MARCHF10: variants seen among roughly 807,000 people sequenced by gnomAD.
MARCHF10 encodes probable E3 ubiquitin-protein ligase MARCHF10.
A neutral mutation model predicts 76.2 loss-of-function variants in MARCHF10; 64 were observed. The ratio of observed to expected loss-of-function variants is 0.84; its 90% confidence interval spans 0.69 to 1.03. The LOEUF (loss-of-function observed/expected upper bound fraction) is 1.03. MARCHF10 is among the 50% of genes least tolerant of loss of function. MARCHF10 has a pLI of 0.00. For missense variants in MARCHF10, 875 were observed against 958.0 expected (o/e 0.91, Z 1.14); for synonymous variants, 340 against 357.5 (o/e 0.95, Z 0.55).
chr17:62,736,546 T>G lies in MARCHF10; in HGVS notation c.1322A>C (p.Lys441Thr). 6.2e-7 allele frequency: 1 copy of G among 1,614,210 alleles called. No homozygotes were observed. The highest frequency in any genetic ancestry group is 1.1e-5 in the South Asian group (1 of 91,082). Residue 441 changes from lysine (K) to threonine (T), a missense_variant, in exon 6 of 11, where the codon AAA (lysine) becomes ACA (threonine). Transcript: ENST00000311269. ...PGTHDSEGYW[K>T]DYLNSSQNSL... ...ATTTTGAGAACTGTTTAAATAGTCT[T>G]TCCAGTATCCTTCAGAATCATGGGT...
chr17:62,804,527 A>T (rs1413873043), intron 1 of MARCHF10, among the ~76,000 whole-genome samples: 3 of 152,196 alleles, frequency 2.0e-5, no homozygotes, highest in African/African-American at 7.2e-5. Flanking sequence ...AGAGGGTTTC[A>T]AAAAGGAGGC....
chr17:62,712,915 T>G lies in MARCHF10; in HGVS notation c.2215-1571A>C, dbSNP rs1380101851. On this transcript the variant is annotated intron_variant, in intron 8 of 10. Coordinates refer to ENST00000311269, the MANE Select transcript of MARCHF10 (RefSeq NM_152598.4). The surrounding 1 kb of genome is among the most constrained non-coding windows in gnomAD (Gnocchi z 4.2). ...GTGCACCACCACGCCCAGCTAATTT[T>G]TGTATTTTTAGTAGAGATGGGGTTT... Among the ~76,000 whole-genome samples the G allele has an allele frequency of 6.6e-6, 1 of 152,082 alleles. No individual in the cohort carries two copies. Among genetic ancestry groups the G allele is most frequent in the Non-Finnish European group, 1.5e-5 (1 of 68,006 alleles).
At chr17:62,716,816 C>CT (rs1212877646) in intron 8 of MARCHF10, among the ~76,000 whole-genome samples, 4 of 152,090 alleles carry the variant, frequency 2.6e-5, no homozygotes, top group African/African-American at 9.7e-5. Flanking sequence ...GGTTTTGCCC[C>CT]TTTTTTGGTA....
chr17:62,766,976 G>A (rs1235404051), intron 3 of MARCHF10, among the ~76,000 whole-genome samples: 1 of 152,214 alleles, frequency 6.6e-6, no homozygotes, highest in Non-Finnish European at 1.5e-5. Context: ...GTGGTGGTGT[G>A]TGCTGGGACT....
At chr17:62,722,815 G>A (rs934600830) in intron 7 of MARCHF10, among the ~76,000 whole-genome samples, 3 of 152,150 alleles carry the variant, frequency 2.0e-5, no homozygotes, top group African/African-American at 7.2e-5. Flanking sequence ...CTTCATAGAA[G>A]TGAAATTCCC....
intron 9 of MARCHF10, among the ~76,000 whole-genome samples, chr17:62,708,831 G>T (rs1019128019): frequency 1.3e-5 from 2 of 152,132 alleles, no homozygotes; most frequent in African/African-American, 2.4e-5. Context: ...TAAGAGGCAG[G>T]CATAGAAGGC....
chr17:62,752,280 T>C (rs2091919364), intron 4 of MARCHF10, among the ~76,000 whole-genome samples: 1 of 152,144 alleles, frequency 6.6e-6, no homozygotes, highest in African/African-American at 2.4e-5. Context: ...GGAGACATTC[T>C]TGCCATTTCA....
intron 4 of MARCHF10, among the ~76,000 whole-genome samples, chr17:62,749,509 G>A (rs1043984879): frequency 2.6e-5 from 4 of 152,176 alleles, no homozygotes; most frequent in African/African-American, 9.7e-5. Flanking sequence ...TTAATCGCAG[G>A]AGCCAATGTT....
At chr17:62,747,181 A>G (rs529286811) in intron 4 of MARCHF10, among the ~76,000 whole-genome samples, 9 of 152,310 alleles carry the variant, frequency 5.9e-5, no homozygotes, top group African/African-American at 2.2e-4. Flanking sequence ...TGCAGGACAA[A>G]TATTAGTATG....
intron 5 of MARCHF10, among the ~76,000 whole-genome samples, chr17:62,740,658 C>CT (rs199530438): frequency 1.8e-3 from 267 of 147,652 alleles, no homozygotes; most frequent in Middle Eastern, 3.5e-3. Context: ...TTTTTTCTTA[C>CT]TTTTTTTTTT....
intron 6 of MARCHF10, among the ~76,000 whole-genome samples, chr17:62,731,665 G>A (rs527837497): frequency 5.3e-5 from 8 of 152,318 alleles, no homozygotes; most frequent in South Asian, 4.1e-4. Flanking sequence ...GATCGCTAAC[G>A]TGTAGAACTT....
At chr17:62,784,188 G>A (rs1364093095) in intron 3 of MARCHF10, among the ~76,000 whole-genome samples, 2 of 152,190 alleles carry the variant, frequency 1.3e-5, no homozygotes, top group African/African-American at 4.8e-5. Flanking sequence ...GATCAAGTCC[G>A]CTTCATCCCT....
chr17:62,776,093 G>C (rs1035490583), intron 3 of MARCHF10, among the ~76,000 whole-genome samples: 3 of 152,166 alleles, frequency 2.0e-5, no homozygotes, highest in African/African-American at 7.2e-5. Context: ...CACTGCGCTG[G>C]CCCTTAAATG....
intron 5 of MARCHF10, among the ~76,000 whole-genome samples, chr17:62,741,969 A>T (rs2091526152): frequency 6.6e-6 from 1 of 150,854 alleles, no homozygotes; most frequent in Non-Finnish European, 1.5e-5. Context: ...GAGTGCTGGG[A>T]TTACAGGCAT....
intron 3 of MARCHF10, among the ~76,000 whole-genome samples, chr17:62,770,851 C>CTTTTTT (rs35064058): frequency 6.0e-5 from 5 of 83,634 alleles, no homozygotes; most frequent in South Asian, 4.2e-4. Flanking sequence ...TGTATTTTGA[C>CTTTTTT]TTTTTTTTTT....
chr17:62,743,181 T>C (rs1264740841), intron 5 of MARCHF10, among the ~76,000 whole-genome samples: 1 of 152,204 alleles, frequency 6.6e-6, no homozygotes, highest in African/African-American at 2.4e-5. Flanking sequence ...AGAGCTGGCA[T>C]TGGAGCTGAA....
At chr17:62,779,868 G>A (rs57065401) in intron 3 of MARCHF10, among the ~76,000 whole-genome samples, 4,156 of 152,262 alleles carry the variant, frequency 0.027, 71 homozygotes, top group East Asian at 0.059. Context: ...AGGCCGAGGC[G>A]GGTGGATCAC....
chr17:62,701,923 C>T (rs1316759013), intron 10 of MARCHF10, among the ~76,000 whole-genome samples, 165 bp from the exon 11 acceptor site: 1 of 152,182 alleles, frequency 6.6e-6, no homozygotes, highest in African/African-American at 2.4e-5. Context: ...GACCTGCAGT[C>T]TGGGGCCGGG....
intron 4 of MARCHF10, among the ~76,000 whole-genome samples, chr17:62,756,190 G>GT (rs2092036976): frequency 6.6e-6 from 1 of 152,202 alleles, no homozygotes; most frequent in Non-Finnish European, 1.5e-5. Context: ...GGAGGTTGCC[G>GT]TAAGCCGAGA....
Sources: allele counts gnomAD v4.1 joint callset (sites outside exome capture counted in the v4.1 genomes callset), GRCh38; gene constraint gnomAD v4.1.1; non-coding constraint Gnocchi (gnomAD v3.1); transcripts MANE v1.5; gene names NCBI Gene and HGNC (gene_info 2026-07-23, HGNC 2026-07-21).